GYS1: variants seen among roughly 807,000 people sequenced by gnomAD.
The protein encoded by GYS1 is glycogen synthase 1, also known as glycogen [starch] synthase, muscle.
Under a neutral mutation model 89.1 loss-of-function variants are expected in GYS1, and 60 were observed. That is an observed-to-expected ratio of 0.67 (90% CI 0.55 to 0.84). The LOEUF is 0.84. Among genes scored for constraint, GYS1 ranks in the 40% least tolerant of loss-of-function variants. The pLI is 0.00. For synonymous variants in GYS1, 366 were observed against 401.7 expected (o/e 0.91, Z 1.06); for missense variants, 888 against 1,003.1 (o/e 0.89, Z 1.55).
chr19:48,992,928 T>A (rs2038961863), intron 1 of GYS1, 67 bp downstream of exon 1: 1 of 907,654 alleles, frequency 1.1e-6, no homozygotes, highest in South Asian at 1.3e-5. Flanking sequence ...CTCCTACAAC[T>A]CAGAGTTCCG....
At position 48,993,238 on chromosome 19, in the gene GYS1, G is replaced by T. The variant is rs1166813204; in HGVS notation, c.-126C>A. 2.6e-6 allele frequency: 2 copies of T among 757,258 alleles called. No individual in the cohort carries two copies. Among genetic ancestry groups the T allele is most frequent in the Non-Finnish European group, 4.8e-6 (2 of 414,356 alleles). 46.9% of individuals were successfully genotyped at this position (757,258 alleles called of 1,614,324 possible). A position where few individuals can be genotyped will look rare whatever the true frequency, so the allele number is the denominator to read the frequency against. ...CGACGGGAAGCTTGCAAGACGCTCG[G>T]CTTCCTATTGCAAGACCGCACCCCT... On this transcript the variant is annotated 5_prime_UTR_variant, in exon 1 of 16. Coordinates refer to ENST00000323798, the MANE Select transcript of GYS1 (RefSeq NM_002103.5).
Position 48,977,940 on chromosome 19 carries a change from G to C in GYS1, c.1292C>G (p.Ala431Gly). The C allele has an allele frequency of 1.2e-6, 2 of 1,613,398 alleles. No individual in the cohort carries two copies. The highest frequency in any genetic ancestry group is 1.7e-6 in the Non-Finnish European group (2 of 1,179,388). ...AATCCATACCTGCGTTGCAAAGATGGCTCTCTTCATCATAGTGAAGTCTTC... is the reference window on the plus strand; with the variant it reads ...AATCCATACCTGCGTTGCAAAGATGCCTCTCTTCATCATAGTGAAGTCTTC... Reference protein sequence around the residue: ...DKEDFTMMKRAIFATQRQSFP... With the variant: ...DKEDFTMMKRGIFATQRQSFP... The change falls in exon 10 of 16, where the codon GCC becomes GGC. Residue 431 changes from alanine (A) to glycine (G), a missense_variant. By Grantham distance (60) the Ala-to-Gly change is moderately conservative. Transcript: ENST00000323798.
intron 10 of GYS1, 55 bp from the exon 11 acceptor site, chr19:48,974,788 CTT>C: frequency 8.0e-7 from 1 of 1,257,664 alleles, no homozygotes; most frequent in Non-Finnish European, 1.2e-6. Context: ...GAACTCCCTA[CTT>C]CCTCATGAGC....
At chr19:48,987,124 A>T (rs936389372) in intron 3 of GYS1, 70 bp downstream of exon 3, 7 of 1,126,158 alleles carry the variant, frequency 6.2e-6, no homozygotes, top group Non-Finnish European at 9.4e-6. Flanking sequence ...GGAGAAGCCC[A>T]TCCTCTGGCC....
Position 48,993,033 on chromosome 19 carries a change from G to T in GYS1, c.80C>A (p.Ala27Glu). ...CTCCCAGGCCACTTCGAAGAGCACT[G>T]CGTTCTCCAGGTCGAATTCATCCTC... ...DWEDEFDLEN[A>E]VLFEVAWEVA... The change falls in exon 1 of 16, where the codon GCA (alanine) becomes GAA (glutamate). Residue 27 changes from alanine to glutamate, a missense_variant. Transcript: ENST00000323798. 6.2e-7 allele frequency: 1 copy of T among 1,613,032 alleles called. No homozygotes were observed. The highest frequency in any genetic ancestry group is 1.3e-5 in the African/African-American group (1 of 75,022).
In GYS1 at chr19:48,993,147, A is replaced by G; in HGVS notation, c.-35T>C. ...AGGAAGGGGGGCTCCGGGGATCTCC[A>G]GGTAGGGACCCCGGAGGTGTCTAGG... On this transcript the variant is annotated 5_prime_UTR_variant, in exon 1 of 16. Coordinates refer to ENST00000323798, the MANE Select transcript of GYS1 (RefSeq NM_002103.5). The G allele has an allele frequency of 8.4e-7, 1 of 1,192,894 alleles. No homozygotes were observed. The highest frequency in any genetic ancestry group is 1.3e-6 in the Non-Finnish European group (1 of 796,310). The allele number at this position is 1,192,894 out of a possible 1,614,324, so 73.9% of individuals were successfully genotyped here. A position where few individuals can be genotyped will look rare whatever the true frequency, so the allele number is the denominator to read the frequency against.
intron 10 of GYS1, among the ~76,000 whole-genome samples, chr19:48,976,931 G>A (rs568010489): frequency 1.8e-4 from 28 of 152,128 alleles, no homozygotes; most frequent in Admixed American, 2.0e-4. Context: ...TGGGATAACA[G>A]GTGTATGCCA....
rs1568618122 is a variant in GYS1 at position 48,974,660 on chromosome 19, C to T, written c.1382G>A (p.Arg461His). ...ACTGCTATTGAAGAGGCCGATTCGGCGGATGGTGGTCAGGATGGGGTCTGA... is the reference window on the plus strand; with the variant it reads ...ACTGCTATTGAAGAGGCCGATTCGGTGGATGGTGGTCAGGATGGGGTCTGA... ...DSSDPILTTI[R>H]RIGLFNSSAD... is the part of the protein sequence containing the mutation. The change falls in exon 11 of 16, where the codon CGC becomes CAC. Residue 461 changes from arginine to histidine, a missense_variant. Transcript: ENST00000323798. The T allele has an allele frequency of 6.2e-7, 1 of 1,613,988 alleles. No individual in the cohort carries two copies. Among genetic ancestry groups the T allele is most frequent in the Non-Finnish European group, 8.5e-7 (1 of 1,179,912 alleles).
chr19:48,978,170 G>A lies in GYS1; in HGVS notation c.1170-13C>T, dbSNP rs886054570. 6.2e-7 allele frequency: 1 copy of A among 1,609,368 alleles called. No homozygotes were observed. Among genetic ancestry groups the A allele is most frequent in the Non-Finnish European group, 8.5e-7 (1 of 1,175,734 alleles). On this transcript the variant is annotated splice_polypyrimidine_tract_variant and intron_variant, in intron 8 of 15. Transcript: ENST00000323798. ...GTTGGCCGTGTCCCTGGAGGAAGCAGAGCAACAGGGTCACATACACACCAG... is the reference window on the plus strand; with the variant it reads ...GTTGGCCGTGTCCCTGGAGGAAGCAAAGCAACAGGGTCACATACACACCAG...
Position 48,978,292 on chromosome 19 carries a change from C to T in GYS1, c.1170-135G>A, listed in dbSNP as rs977322331. 1.3e-5 allele frequency: 10 copies of T among 758,514 alleles called. No individual in the cohort carries two copies. The African/African-American group carries it at 1.5e-4, about 12-fold the overall frequency. The allele number at this position is 758,514 out of a possible 1,614,324, so 47.0% of individuals were successfully genotyped here. ...CCAGGCTGGAATGCAATGGCGTGAT[C>T]TCGGCTCACTGCAACCTCTGCCTCC... On this transcript the variant is annotated intron_variant, in intron 8 of 15. Coordinates refer to ENST00000323798, the MANE Select transcript of GYS1 (RefSeq NM_002103.5).
chr19:48,973,081 A>C (rs896704553), intron 12 of GYS1, among the ~76,000 whole-genome samples: 1 of 152,134 alleles, frequency 6.6e-6, no homozygotes, highest in Non-Finnish European at 1.5e-5. Flanking sequence ...GAGGGAGGGA[A>C]ATGATTGGAT....
At position 48,986,015 on chromosome 19, in the gene GYS1, C is replaced by T; in HGVS notation, c.513G>A (p.Glu171=). 1 of 1,614,132 alleles carries T rather than the reference C, an allele frequency of 6.2e-7. No individual in the cohort carries two copies. The highest frequency in any genetic ancestry group is 8.5e-7 in the Non-Finnish European group (1 of 1,180,014). Residue 171 remains glutamate, a synonymous_variant, in exon 4 of 16, where the codon GAG becomes GAA. Coordinates refer to ENST00000323798, the MANE Select transcript of GYS1 (RefSeq NM_002103.5). ...FLGEFLAQSE[E]KPHVVAHFHE... is the part of the protein sequence containing the mutation. Reference sequence around the variant, plus strand: ...GGAAGTGAGCAACCACATGTGGCTTCTCCTCACTCTGTGCCAGGAACTGTG... The same window carrying T: ...GGAAGTGAGCAACCACATGTGGCTTTTCCTCACTCTGTGCCAGGAACTGTG...
intron 2 of GYS1, 90 bp from the exon 3 acceptor site, chr19:48,987,475 A>T (rs1222138382): frequency 2.9e-5 from 28 of 976,468 alleles, no homozygotes; most frequent in Non-Finnish European, 4.2e-5. Context: ...TTGCAGGCAG[A>T]TGTCTATAGA....
At position 48,986,028 on chromosome 19, in the gene GYS1, G is replaced by T. The variant is rs1199465827; in HGVS notation, c.500C>A (p.Ala167Glu). Residue 167 changes from alanine (A) to glutamate (E), a missense_variant, in exon 4 of 16, where the codon GCA (alanine) becomes GAA (glutamate). By Grantham distance (107) the Ala-to-Glu change is moderately radical. Coordinates refer to ENST00000323798, the MANE Select transcript of GYS1 (RefSeq NM_002103.5). ...LTTWFLGEFL[A>E]QSEEKPHVVA... ...CACATGTGGCTTCTCCTCACTCTGT[G>T]CCAGGAACTGTGGGCAACAGGGACA... 5.6e-6 allele frequency: 9 copies of T among 1,613,894 alleles called. No individual in the cohort carries two copies. The Admixed American group carries it at 6.7e-5, about 12-fold the overall frequency.
chr19:48,981,898 TTG>T (rs950354498), intron 7 of GYS1, among the ~76,000 whole-genome samples: 2 of 152,110 alleles, frequency 1.3e-5, no homozygotes, highest in African/African-American at 4.8e-5. Flanking sequence ...TTGTTTTGTT[TTG>T]TTTTGTTTTT....
In GYS1 at chr19:48,968,317, T is replaced by C. The variant is rs749648750; in HGVS notation, c.*971A>G. On this transcript the variant is annotated 3_prime_UTR_variant, in exon 16 of 16. Transcript: ENST00000323798. ...GGATGGAAGAGCCTCGAGGTAAATG[T>C]GGGGGTTCTAGAACCCAGTGACCTC... 126 of 454,146 alleles carry C rather than the reference T, an allele frequency of 2.8e-4. No homozygotes were observed. The highest frequency in any genetic ancestry group is 7.5e-4 in the Admixed American group (32 of 42,524). 28.1% of individuals were successfully genotyped at this position (454,146 alleles called of 1,614,324 possible). A position where few individuals can be genotyped will look rare whatever the true frequency, so the allele number is the denominator to read the frequency against.
Position 48,991,346 on chromosome 19 carries a change from C to G in GYS1, c.256G>C (p.Ala86Pro). 2 of 1,614,084 alleles carry G rather than the reference C, an allele frequency of 1.2e-6. No homozygotes were observed. The highest frequency in any genetic ancestry group is 2.2e-5 in the South Asian group (2 of 91,090). ...ATGGAATCCAGTGTCCTCTTCAGGGCCGGGGTGGGGGCCTCCAGCAGTTCC... is the reference window on the plus strand; with the variant it reads ...ATGGAATCCAGTGTCCTCTTCAGGGGCGGGGTGGGGGCCTCCAGCAGTTCC... ...QVELLEAPTP[A>P]LKRTLDSMNS... Residue 86 changes from alanine (A) to proline (P), a missense_variant, in exon 2 of 16, where the codon GCC (alanine) becomes CCC (proline). By Grantham distance (27) the Ala-to-Pro change is conservative (BLOSUM62 -1). Transcript: ENST00000323798. The surrounding 1 kb of genome is among the most constrained non-coding windows in gnomAD (Gnocchi z 4.7).
Position 48,986,044 on chromosome 19 carries a change from A to C in GYS1, c.493-9T>G. On this transcript the variant is annotated splice_polypyrimidine_tract_variant and intron_variant, in intron 3 of 15. Transcript: ENST00000323798. The stretch of plus-strand genomic sequence containing the variant: ...TCACTCTGTGCCAGGAACTGTGGGC[A>C]ACAGGGACAGGGCCACTGTCTCCAC... 1 of 1,613,636 alleles carries C rather than the reference A, an allele frequency of 6.2e-7. No individual in the cohort carries two copies. The highest frequency in any genetic ancestry group is 1.1e-5 in the South Asian group (1 of 91,082).
Position 48,975,256 on chromosome 19 carries a change from T to C in GYS1, c.1309-523A>G, listed in dbSNP as rs2038628248. On this transcript the variant is annotated intron_variant, in intron 10 of 15. Transcript: ENST00000323798. ...TAATTTTTTTTTTTTTTTTTTTTAA[T>C]AGAGATGGGGTTTCACTATGTTGGC... 3.4e-5 allele frequency among the ~76,000 whole-genome samples: 5 copies of C among 146,448 alleles called. No individual in the cohort carries two copies. The South Asian group carries it at 8.6e-4, about 25-fold the overall frequency.
Sources: allele counts gnomAD v4.1 joint callset (sites outside exome capture counted in the v4.1 genomes callset), GRCh38; gene constraint gnomAD v4.1.1; non-coding constraint Gnocchi (gnomAD v3.1); transcripts MANE v1.5; gene names NCBI Gene and HGNC (gene_info 2026-07-23, HGNC 2026-07-21).